The following RELN variants were observed in gnomAD, a reference collection of about 807,000 sequenced individuals.
RELN encodes the protein reelin.
A neutral mutation model predicts 427.6 loss-of-function variants in RELN; 108 were observed. The ratio of observed to expected loss-of-function variants is 0.25; its 90% CI spans 0.22 to 0.30. RELN has a LOEUF of 0.30. Ranked by LOEUF, RELN falls within the 10% of genes least tolerant of loss-of-function variation. The probability of loss-of-function intolerance (pLI) is 1.00; values close to 1 mark genes in which losing one functional copy is unlikely to be tolerated. For missense variants in RELN, 3,715 were observed against 4,302.8 expected (o/e 0.86, Z 3.82); for synonymous variants, 1,524 against 1,513.4 (o/e 1.01, Z -0.16).
chr7:103,901,917 C>T (rs1258945852), intron 2 of RELN, among the ~76,000 whole-genome samples: 2 of 152,036 alleles, frequency 1.3e-5, no homozygotes, highest in Non-Finnish European at 2.9e-5. Context: ...AAGAAAAACA[C>T]ACTACTGTTT....
At chr7:103,728,317 T>C (rs1421278448) in intron 6 of RELN, 110 bp from the exon 7 acceptor site, 14 of 1,043,808 alleles carry the variant, frequency 1.3e-5, no homozygotes, top group East Asian at 1.0e-4. Context: ...CAAATCACCA[T>C]TTTGAGGAAA....
At chr7:103,783,635 G>T (rs1791948291) in intron 3 of RELN, among the ~76,000 whole-genome samples, 1 of 152,098 alleles carries the variant, frequency 6.6e-6, no homozygotes, top group Admixed American at 6.6e-5. Context: ...TGTCCTTAAA[G>T]GTTACCAAAT....
At chr7:103,823,860 C>T (rs534106382) in intron 3 of RELN, among the ~76,000 whole-genome samples, 16 of 146,852 alleles carry the variant, frequency 1.1e-4, no homozygotes, top group Admixed American at 4.9e-4. Context: ...GGGCCATGTG[C>T]GGTAAAAATA....
chr7:103,772,344 G>T (rs1202042703), intron 4 of RELN, among the ~76,000 whole-genome samples: 1 of 148,836 alleles, frequency 6.7e-6, no homozygotes, highest in Non-Finnish European at 1.5e-5. Context: ...ATGAATGAAT[G>T]AATGCACAAG....
chr7:103,694,214 A>C (rs1005978819), intron 10 of RELN, among the ~76,000 whole-genome samples: 1 of 152,152 alleles, frequency 6.6e-6, no homozygotes, highest in Non-Finnish European at 1.5e-5. Context: ...ATAATTTAAC[A>C]GGTGGATGTT....
intron 1 of RELN, among the ~76,000 whole-genome samples, chr7:103,921,521 C>T (rs1207733025): frequency 2.0e-5 from 3 of 152,200 alleles, no homozygotes; most frequent in East Asian, 1.9e-4. Flanking sequence ...TCAATATTAT[C>T]GATTTCATAC....
chr7:103,909,779 A>AT (rs1795316017), intron 2 of RELN, among the ~76,000 whole-genome samples: 4 of 73,414 alleles, frequency 5.4e-5, no homozygotes, highest in African/African-American at 2.8e-4. Flanking sequence ...TAATATATAT[A>AT]AATATATATA....
intron 31 of RELN, among the ~76,000 whole-genome samples, chr7:103,567,634 G>T (rs1449482368): frequency 6.6e-6 from 1 of 152,090 alleles, no homozygotes; most frequent in Non-Finnish European, 1.5e-5. Flanking sequence ...GGGGGGTAGA[G>T]TGGTAGAGGG....
At chr7:103,628,643 T>C (rs1017288221) in intron 20 of RELN, among the ~76,000 whole-genome samples, 10 of 152,162 alleles carry the variant, frequency 6.6e-5, no homozygotes, top group African/African-American at 2.4e-4. Flanking sequence ...CTAATTATGA[T>C]AAGGTCACTG....
chr7:103,915,007 A>C (rs1360733757), intron 2 of RELN, among the ~76,000 whole-genome samples: 2 of 152,138 alleles, frequency 1.3e-5, no homozygotes, highest in African/African-American at 4.8e-5. Flanking sequence ...ACTTAGGATA[A>C]AGGCCCCAAA....
chr7:103,534,930 A>G (rs1251989730), intron 46 of RELN, among the ~76,000 whole-genome samples: 11 of 151,926 alleles, frequency 7.2e-5, no homozygotes, highest in Non-Finnish European at 1.6e-4. Context: ...CTATATTTAC[A>G]GCAGTCTCAC....
chr7:103,893,982 C>T (rs925558332), intron 2 of RELN, among the ~76,000 whole-genome samples: 1 of 152,208 alleles, frequency 6.6e-6, no homozygotes, highest in African/African-American at 2.4e-5. Context: ...CAGGCATAGC[C>T]GAACGCTGAA....
intron 1 of RELN, among the ~76,000 whole-genome samples, chr7:103,978,111 T>G (rs531391923): frequency 6.6e-6 from 1 of 152,220 alleles, no homozygotes; most frequent in African/African-American, 2.4e-5. Flanking sequence ...AGATTAAACA[T>G]CTTGATAAGA....
intron 4 of RELN, among the ~76,000 whole-genome samples, chr7:103,756,289 A>G (rs556371672): frequency 1.3e-5 from 2 of 152,324 alleles, no homozygotes; most frequent in South Asian, 4.1e-4. Context: ...CTGAGTCAGA[A>G]TCTCTGAGGG....
intron 10 of RELN, among the ~76,000 whole-genome samples, chr7:103,686,454 C>A (rs907918966): frequency 6.6e-6 from 1 of 152,040 alleles, no homozygotes; most frequent in East Asian, 1.9e-4. Flanking sequence ...TTATTTTTGC[C>A]ACTTCAGATT....
At chr7:103,522,858 C>G (rs1453743420) in intron 47 of RELN, among the ~76,000 whole-genome samples, 1 of 152,230 alleles carries the variant, frequency 6.6e-6, no homozygotes, top group Non-Finnish European at 1.5e-5. Context: ...CACACCCCCA[C>G]ACCTTCATTT....
intron 1 of RELN, among the ~76,000 whole-genome samples, chr7:103,917,988 ACC>A (rs1206263765): frequency 6.6e-6 from 1 of 152,134 alleles, no homozygotes; most frequent in Non-Finnish European, 1.5e-5. Context: ...GTAGGAAGCA[ACC>A]AAGGGAAGGT....
intron 8 of RELN, among the ~76,000 whole-genome samples, chr7:103,715,051 A>C (rs1282316436): frequency 6.6e-6 from 1 of 152,218 alleles, no homozygotes; most frequent in East Asian, 1.9e-4. Flanking sequence ...TTAAACAATT[A>C]TTTGGATAGG....
intron 11 of RELN, among the ~76,000 whole-genome samples, chr7:103,666,730 C>T (rs1833276123): frequency 6.6e-6 from 1 of 152,116 alleles, no homozygotes; most frequent in Non-Finnish European, 1.5e-5. Context: ...ATTAATTCCT[C>T]AGTTTAGAAT....
Sources: allele counts gnomAD v4.1 joint callset (sites outside exome capture counted in the v4.1 genomes callset), GRCh38; gene constraint gnomAD v4.1.1; transcripts MANE v1.5; gene names NCBI Gene and HGNC (gene_info 2026-07-23, HGNC 2026-07-21).